The following ADAM2 variants were observed in gnomAD, a reference collection of about 807,000 sequenced individuals.
ADAM2 encodes disintegrin and metalloproteinase domain-containing protein 2.
In ADAM2, 101 loss-of-function variants were observed where a neutral mutation model predicts 99.3. The ratio of observed to expected loss-of-function variants is 1.02; its 90% CI spans 0.87 to 1.20. The LOEUF (loss-of-function observed/expected upper bound fraction) is 1.20, where lower values mean the gene tolerates loss of function less well. Among genes scored for constraint, ADAM2 ranks in the 50% most tolerant of loss-of-function variants. The pLI is 0.00. For missense variants in ADAM2, 948 were observed against 878.7 expected (o/e 1.08, Z -1.00); for synonymous variants, 323 against 287.6 (o/e 1.12, Z -1.25).
chr8:39,763,558 G>A (rs1245947659), intron 14 of ADAM2, among the ~76,000 whole-genome samples: 1 of 152,214 alleles, frequency 6.6e-6, no homozygotes, highest in Non-Finnish European at 1.5e-5. Flanking sequence ...AATAGCACAT[G>A]TGCATTCAGG....
At position 39,837,381 on chromosome 8, in the gene ADAM2, G is replaced by GTTTT. The variant is rs112475501; in HGVS notation, c.56-173_56-170dup. Among the ~76,000 whole-genome samples, 447 of 142,480 alleles carry GTTTT rather than the reference G, an allele frequency of 3.1e-3. 2 individuals carry two copies. The highest frequency in any genetic ancestry group is 0.011 in the African/African-American group (433 of 39,050). The allele number at this position is 142,480 out of a possible 152,430, so 93.5% of individuals were successfully genotyped here. On this transcript the variant is annotated intron_variant, in intron 1 of 20. Coordinates refer to ENST00000265708, the MANE Select transcript of ADAM2 (RefSeq NM_001464.5). ...AGGAGGTTTTTTTTTCTGTTTTTCT[G>GTTTT]TTTTTTTTTTTGTTTTTGAGACGAA...
At chr8:39,813,118 C>T (rs1271763455) in intron 6 of ADAM2, among the ~76,000 whole-genome samples, 5 of 152,120 alleles carry the variant, frequency 3.3e-5, no homozygotes, top group African/African-American at 1.2e-4. Context: ...AGGATATGAA[C>T]AGACACTTCT....
At position 39,777,154 on chromosome 8, in the gene ADAM2, C is replaced by T. The variant is rs1482707561; in HGVS notation, c.899G>A (p.Arg300Lys). 5.0e-6 allele frequency: 8 copies of T among 1,602,450 alleles called. No homozygotes were observed. In the South Asian group the frequency reaches 7.9e-5, roughly 16 times the overall value. Residue 300 changes from arginine (R) to lysine (K), a missense_variant, in exon 11 of 21, where the codon AGA (arginine) becomes AAA (lysine). Coordinates refer to ENST00000265708, the MANE Select transcript of ADAM2 (RefSeq NM_001464.5). ...NYAGGVVLHPRTISLESLAVI... is the reference protein window; with the variant it reads ...NYAGGVVLHPKTISLESLAVI... ...TGCAAGTGATTCCAGACTTATGGTTCTGGGGTGCTGAGAAAAAAAAATAGA... is the reference window on the plus strand; with the variant it reads ...TGCAAGTGATTCCAGACTTATGGTTTTGGGGTGCTGAGAAAAAAAAATAGA...
chr8:39,796,887 G>T (rs1258856729), intron 7 of ADAM2, among the ~76,000 whole-genome samples: 1 of 151,800 alleles, frequency 6.6e-6, no homozygotes, highest in Admixed American at 6.6e-5. Flanking sequence ...TTTTTGATGG[G>T]GTTGTTTTTT....
Position 39,837,262 on chromosome 8 carries a change from G to A in ADAM2, c.56-50C>T, listed in dbSNP as rs781129064. On this transcript the variant is annotated intron_variant, in intron 1 of 20. Transcript: ENST00000265708. The stretch of plus-strand genomic sequence containing the variant: ...TTAGAACAATGCCCATCATTTCAGA[G>A]CGTGTTTTATGAGTTTTTCATCTAA... 2.9e-5 allele frequency: 40 copies of A among 1,362,376 alleles called. 1 individual carries two copies. Among genetic ancestry groups the A allele is most frequent in the Middle Eastern group, 3.6e-4 (2 of 5,510 alleles). 84.4% of individuals were successfully genotyped at this position (1,362,376 alleles called of 1,614,324 possible).
At chr8:39,750,713 G>A (rs1216203635) in intron 16 of ADAM2, among the ~76,000 whole-genome samples, 4 of 152,126 alleles carry the variant, frequency 2.6e-5, no homozygotes, top group African/African-American at 9.7e-5. Flanking sequence ...ATGGGTGAAT[G>A]ACACCAAGGA....
intron 20 of ADAM2, 141 bp downstream of exon 20, chr8:39,744,686 TGGG>T: frequency 3.9e-6 from 2 of 516,152 alleles, no homozygotes; most frequent in Non-Finnish European, 6.8e-6. Flanking sequence ...CTAATGCATG[TGGG>T]GCTTAAAACC....
chr8:39,807,389 G>A (rs1027806764), intron 7 of ADAM2, among the ~76,000 whole-genome samples: 1 of 152,184 alleles, frequency 6.6e-6, no homozygotes, highest in Non-Finnish European at 1.5e-5. Context: ...TAGAGTTGGA[G>A]CTGTTAGGAT....
intron 3 of ADAM2, among the ~76,000 whole-genome samples, chr8:39,826,691 C>G (rs532381933): frequency 6.6e-6 from 1 of 151,600 alleles, no homozygotes; most frequent in African/African-American, 2.4e-5. Context: ...CCACTGCACT[C>G]CAGCCTTGGC....
At chr8:39,816,905 T>A (rs1466696959) in intron 6 of ADAM2, among the ~76,000 whole-genome samples, 2 of 152,216 alleles carry the variant, frequency 1.3e-5, no homozygotes, top group Non-Finnish European at 2.9e-5. Context: ...TAGATGTTAT[T>A]TATACAAACA....
Position 39,810,501 on chromosome 8 carries a change from G to A in ADAM2, c.514-1035C>T, listed in dbSNP as rs1319392360. On this transcript the variant is annotated intron_variant, in intron 6 of 20. Coordinates refer to ENST00000265708, the MANE Select transcript of ADAM2 (RefSeq NM_001464.5). ...TATACATTCTTCTCAGCACCACATC[G>A]CACTTATTCCAAAATTGACCACATA... Among the ~76,000 whole-genome samples, 21 of 152,184 alleles carry A rather than the reference G, an allele frequency of 1.4e-4. No homozygotes were observed. The East Asian group carries it at 2.9e-3, about 21-fold the overall frequency.
chr8:39,817,349 C>T (rs1017627761), intron 6 of ADAM2, among the ~76,000 whole-genome samples: 12 of 151,922 alleles, frequency 7.9e-5, no homozygotes, highest in African/African-American at 1.9e-4. Flanking sequence ...AGGGGAGGAA[C>T]GGATGGGGAA....
At chr8:39,749,038 G>A (rs1160383) in intron 18 of ADAM2, among the ~76,000 whole-genome samples, 94,157 of 151,854 alleles carry the variant, frequency 0.62, 29,777 homozygotes, top group East Asian at 0.86. Flanking sequence ...TGCAATTACC[G>A]GATGCCTTAC....
intron 7 of ADAM2, among the ~76,000 whole-genome samples, chr8:39,803,140 C>T (rs1379561629): frequency 1.3e-5 from 2 of 152,100 alleles, no homozygotes; most frequent in Non-Finnish European, 2.9e-5. Flanking sequence ...CACTCTGAGA[C>T]TAAATAAAAA....
At chr8:39,769,317 T>C (rs547680739) in intron 12 of ADAM2, 75 bp downstream of exon 12, 3 of 1,168,044 alleles carry the variant, frequency 2.6e-6, no homozygotes, top group Middle Eastern at 2.0e-4. Context: ...TTAAGGAAAA[T>C]GGCAGTTTCT....
At chr8:39,817,812 A>C (rs530258618) in intron 6 of ADAM2, 1 of 151,996 alleles carries the variant, frequency 6.6e-6, no homozygotes, top group South Asian at 2.1e-4. Flanking sequence ...TTAAAGACCT[A>C]TAAGGGAGTC....
intron 16 of ADAM2, among the ~76,000 whole-genome samples, chr8:39,755,224 A>T (rs1324806683): frequency 1.3e-5 from 2 of 152,246 alleles, no homozygotes; most frequent in Non-Finnish European, 2.9e-5. Context: ...CATAATTTCA[A>T]TGAAAAAGTT....
rs117557071 is a variant in ADAM2, at chr8:39,830,553, C to G, written c.188+3391G>C. ...ATGATCAAAGCAATAGAAACAAAGGCTGGTACCACAGCTGAAAGAGTGAGC... is the reference window on the plus strand; with the variant it reads ...ATGATCAAAGCAATAGAAACAAAGGGTGGTACCACAGCTGAAAGAGTGAGC... On this transcript the variant is annotated intron_variant, in intron 3 of 20. Coordinates refer to ENST00000265708, the MANE Select transcript of ADAM2 (RefSeq NM_001464.5). Among the ~76,000 whole-genome samples the G allele has an allele frequency of 2.0e-3, 310 of 152,238 alleles. 1 individual carries two copies. The highest frequency in any genetic ancestry group is 3.5e-3 in the Non-Finnish European group (235 of 67,996).
intron 5 of ADAM2, 36 bp from the exon 6 acceptor site, chr8:39,821,206 A>ATGCCTTG (rs1436485541): frequency 4.3e-6 from 6 of 1,405,832 alleles, no homozygotes; most frequent in Non-Finnish European, 5.8e-6. Flanking sequence ...AAGTAAAACA[A>ATGCCTTG]TGCCTTGTGG....
Sources: gnomAD v4.1 joint callset for allele counts (sites outside exome capture counted in the v4.1 genomes callset) on GRCh38, gnomAD v4.1.1 for gene constraint, MANE v1.5 for transcripts, NCBI Gene and HGNC (gene_info 2026-07-23, HGNC 2026-07-21) for gene names.